The following TVP23A variants were observed in gnomAD, a reference collection of about 807,000 sequenced individuals.
TVP23A encodes the protein Golgi apparatus membrane protein TVP23 homolog A.
TVP23A carries 21 observed loss-of-function variants against 31.7 expected under a neutral mutation model. That is an observed-to-expected ratio of 0.66 (90% CI 0.47 to 0.95). The LOEUF is 0.95. TVP23A is among the 40% of genes least tolerant of loss of function. The pLI is 0.00. For synonymous variants in TVP23A, 104 were observed against 96.0 expected, an observed-to-expected ratio of 1.08 and a Z score of -0.49; for missense variants, 279 against 255.6, an observed-to-expected ratio of 1.09 and a Z score of -0.62.
At chr16:10,787,053 CA>C (rs1013494234) in intron 2 of TVP23A, among the ~76,000 whole-genome samples, 1 of 151,986 alleles carries the variant, frequency 6.6e-6, no homozygotes, top group Admixed American at 6.6e-5. Context: ...AGTTCCTCTA[CA>C]AAAAAAGAGG....
At position 10,775,030 on chromosome 16, in the gene TVP23A, G is replaced by A. The variant is rs776637041; in HGVS notation, c.156C>T (p.Cys52=). Residue 52 remains cysteine (C), a synonymous_variant, in exon 3 of 8, where the codon TGC becomes TGT. Coordinates refer to ENST00000299866, the MANE Select transcript of TVP23A (RefSeq NM_001079512.4). The part of the protein sequence containing the change: ...RVSAIVTYVS[C]DWFSKSFVGC... ...CCACAAAGCTCTTGCTGAACCAGTC[G>A]CAGCTCACGTAGGTGACGATGGCAC... The A allele has an allele frequency of 8.7e-6, 14 of 1,612,112 alleles. No homozygotes were observed. The highest frequency in any genetic ancestry group is 2.2e-5 in the South Asian group (2 of 90,682).
chr16:10,773,907 C>G, intron 4 of TVP23A, 132 bp downstream of exon 4: 1 of 723,462 alleles, frequency 1.4e-6, no homozygotes, highest in Non-Finnish European at 2.3e-6. Context: ...CATGTTTCAC[C>G]AGAGCACCTT....
chr16:10,801,945 A>G (rs1461673429), intron 2 of TVP23A, among the ~76,000 whole-genome samples: 2 of 152,126 alleles, frequency 1.3e-5, no homozygotes, highest in Admixed American at 1.3e-4. Flanking sequence ...CCAAGGCAGG[A>G]GGATTGCTTG....
At chr16:10,806,690 CAG>C (rs2143000310) in intron 2 of TVP23A, among the ~76,000 whole-genome samples, 1 of 152,172 alleles carries the variant, frequency 6.6e-6, no homozygotes, top group African/African-American at 2.4e-5. Flanking sequence ...TTAGTAGAGA[CAG>C]GGTTTCACCA....
downstream of TVP23A, among the ~76,000 whole-genome samples, chr16:10,762,869 C>G (rs141199591): frequency 5.1e-3 from 779 of 151,780 alleles, 2 homozygotes; most frequent in Non-Finnish European, 8.7e-3. Context: ...GCGGAGGCCA[C>G]GTGGGGAGCC....
At position 10,814,596 on chromosome 16, in the gene TVP23A, C is replaced by G. The variant is rs2034352440; in HGVS notation, c.89+3507G>C. On this transcript the variant is annotated intron_variant, in intron 2 of 7. Coordinates refer to ENST00000299866, the MANE Select transcript of TVP23A (RefSeq NM_001079512.4). ...TCCTACTTCCACCCCAACAACCCAG[C>G]CTCCATCACTGCCCTGAGCAAAATC... Among the ~76,000 whole-genome samples, 3 of 151,548 alleles carry G rather than the reference C, an allele frequency of 2.0e-5. No individual in the cohort carries two copies. In the South Asian group the frequency reaches 6.2e-4, roughly 31 times the overall value.
chr16:10,790,278 A>ATT (rs1640428183), intron 2 of TVP23A, among the ~76,000 whole-genome samples: 2 of 134,218 alleles, frequency 1.5e-5, no homozygotes, highest in African/African-American at 5.9e-5. Flanking sequence ...CTTGGGGTAA[A>ATT]ATTTTTTTTT....
At chr16:10,770,707 C>T (rs926303984) in intron 6 of TVP23A, among the ~76,000 whole-genome samples, 5 of 151,480 alleles carry the variant, frequency 3.3e-5, no homozygotes, top group African/African-American at 1.2e-4. Flanking sequence ...ACCCCGTCTA[C>T]TATAAATACA....
downstream of TVP23A, among the ~76,000 whole-genome samples, chr16:10,762,467 G>A (rs1015627608): frequency 2.0e-5 from 3 of 152,210 alleles, no homozygotes; most frequent in Admixed American, 6.5e-5. Context: ...CACGCCCGCC[G>A]GGCGCCCACT....
chr16:10,808,377 T>G (rs967732605), intron 2 of TVP23A, among the ~76,000 whole-genome samples: 1 of 152,060 alleles, frequency 6.6e-6, no homozygotes, highest in African/African-American at 2.4e-5. Flanking sequence ...TCAGGGGTGA[T>G]TTTTACTTCA....
downstream of TVP23A, among the ~76,000 whole-genome samples, chr16:10,760,319 G>A (rs192308341): frequency 2.6e-5 from 4 of 152,360 alleles, no homozygotes; most frequent in Admixed American, 2.6e-4. Context: ...GCTGGTTCCG[G>A]AGGAACTTTA....
At chr16:10,796,369 AAGAG>A (rs1271891420) in intron 2 of TVP23A, among the ~76,000 whole-genome samples, 1 of 152,080 alleles carries the variant, frequency 6.6e-6, no homozygotes, top group Admixed American at 6.5e-5. Flanking sequence ...AAAGATAAGA[AAGAG>A]AGAGCGAGAG....
At chr16:10,803,991 T>G (rs2033829247) in intron 2 of TVP23A, among the ~76,000 whole-genome samples, 1 of 152,218 alleles carries the variant, frequency 6.6e-6, no homozygotes, top group African/African-American at 2.4e-5. Flanking sequence ...TCTATCTCAA[T>G]TAAAAAATGT....
chr16:10,807,344 C>T (rs969407823), intron 2 of TVP23A, among the ~76,000 whole-genome samples: 5 of 152,218 alleles, frequency 3.3e-5, no homozygotes, highest in African/African-American at 1.2e-4. Flanking sequence ...TTGCCCCCCA[C>T]ACCTCCGGCT....
Position 10,780,982 on chromosome 16 carries a change from GT to G in TVP23A, c.90-5887del, listed in dbSNP as rs1156427545. On this transcript the variant is annotated intron_variant, in intron 2 of 7. Transcript: ENST00000299866. ...CCTTCATCATGTTCAACTTGAACAGGTGCTATTTCCACACAGTATCCAACAT... is the reference window on the plus strand; with the variant it reads ...CCTTCATCATGTTCAACTTGAACAGGGCTATTTCCACACAGTATCCAACAT... 2.0e-5 allele frequency among the ~76,000 whole-genome samples: 3 copies of G among 152,166 alleles called. No individual in the cohort carries two copies. The East Asian group carries it at 5.8e-4, about 29-fold the overall frequency.
rs2032093697 is a variant in TVP23A, at chr16:10,777,230, G to A, written c.90-2134C>T. 6.6e-6 allele frequency among the ~76,000 whole-genome samples: 1 copy of A among 152,132 alleles called. No homozygotes were observed. The highest frequency in any genetic ancestry group is 2.4e-5 in the African/African-American group (1 of 41,424). On this transcript the variant is annotated intron_variant, in intron 2 of 7. Coordinates refer to ENST00000299866, the MANE Select transcript of TVP23A (RefSeq NM_001079512.4). This position sits in a 1 kb window ranked among gnomAD's most constrained non-coding sequence, Gnocchi z 4.5. ...CAGCACCAGGCAGCTGTGCAAACCA[G>A]ACCCAGTACTGCCAGAGCCAAGATT...
At chr16:10,769,938 G>A (rs916421719) in intron 7 of TVP23A, among the ~76,000 whole-genome samples, 2 of 152,158 alleles carry the variant, frequency 1.3e-5, no homozygotes, top group African/African-American at 4.8e-5. Flanking sequence ...AAGTGGGTGG[G>A]TGGGAAACAA....
intron 2 of TVP23A, among the ~76,000 whole-genome samples, chr16:10,806,482 C>T (rs1279683549): frequency 2.0e-5 from 3 of 152,150 alleles, no homozygotes. Flanking sequence ...CAGCAGAAAT[C>T]ACACTTCAGA....
At chr16:10,776,265 C>T (rs1181214193) in intron 2 of TVP23A, among the ~76,000 whole-genome samples, 1 of 151,874 alleles carries the variant, frequency 6.6e-6, no homozygotes, top group Non-Finnish European at 1.5e-5. Context: ...ACCCCAGCTA[C>T]TCGGAAGGCT....
Sources: allele counts gnomAD v4.1 joint callset (sites outside exome capture counted in the v4.1 genomes callset), GRCh38; gene constraint gnomAD v4.1.1; non-coding constraint Gnocchi (gnomAD v3.1); transcripts MANE v1.5; gene names NCBI Gene and HGNC (gene_info 2026-07-23, HGNC 2026-07-21).